Variants in NECAB1 observed in about 807,000 individuals in gnomAD.
The protein encoded by NECAB1 is N-terminal EF-hand calcium binding protein 1.
Under a neutral mutation model 57.5 loss-of-function variants are expected in NECAB1, and 29 were observed. The observed-to-expected ratio is 0.50, with a 90% CI of 0.38 to 0.69. The LOEUF (loss-of-function observed/expected upper bound fraction) is 0.69, where lower values mean the gene tolerates loss of function less well. Ranked by LOEUF, NECAB1 falls within the 30% of genes least tolerant of loss-of-function variation. The pLI, the probability that NECAB1 is intolerant of heterozygous loss-of-function variation, is 0.00. For missense variants in NECAB1, 372 were observed against 413.8 expected (o/e 0.90, Z 0.88); for synonymous variants, 142 against 147.7 (o/e 0.96, Z 0.28).
At chr8:90,858,910 C>T (rs1326113453) in intron 3 of NECAB1, 13 of 152,106 alleles carry the variant, frequency 8.5e-5, no homozygotes, top group Admixed American at 7.2e-4. Context: ...TAACAAGCCA[C>T]GAGAGTTCAA....
intron 3 of NECAB1, among the ~76,000 whole-genome samples, chr8:90,864,291 G>A (rs1808465105): frequency 7.0e-6 from 1 of 143,660 alleles, no homozygotes; most frequent in East Asian, 2.1e-4. Flanking sequence ...AAAAAAACGA[G>A]GAAGGAAGGG....
chr8:90,924,794 T>A lies in NECAB1; in HGVS notation c.495-741T>A, dbSNP rs965428614. ...CCTTCCTGGAAATTCCTTACAACAT[T>A]TCCATTTGTATATCATTGGCCTGAG... On this transcript the variant is annotated intron_variant, in intron 6 of 12. Transcript: ENST00000417640. 2.0e-5 allele frequency among the ~76,000 whole-genome samples: 3 copies of A among 152,260 alleles called. No individual in the cohort carries two copies. In the East Asian group the frequency reaches 5.8e-4, roughly 29 times the overall value.
chr8:90,957,697 G>T lies in NECAB1; in HGVS notation c.*2185G>T, dbSNP rs113115541. The stretch of plus-strand genomic sequence containing the variant: ...CCAAAAAAAAAAAGAAAAAGAAAAA[G>T]AAAAAAGAAAAAAAAAGAAAAAACT... On this transcript the variant is annotated 3_prime_UTR_variant, in exon 13 of 13. Coordinates refer to ENST00000417640, the MANE Select transcript of NECAB1 (RefSeq NM_022351.5). 3 of 136,930 alleles carry T rather than the reference G, an allele frequency of 2.2e-5. No homozygotes were observed. Among genetic ancestry groups the T allele is most frequent in the African/African-American group, 8.1e-5 (3 of 36,986 alleles). The allele number at this position is 136,930 out of a possible 1,614,324, so 8.5% of individuals were successfully genotyped here.
intron 3 of NECAB1, among the ~76,000 whole-genome samples, chr8:90,865,190 G>T (rs964120217): frequency 6.6e-6 from 1 of 152,046 alleles, no homozygotes; most frequent in South Asian, 2.1e-4. Flanking sequence ...AAGGGAAGAA[G>T]TGCTCATCCC....
chr8:90,861,794 C>T (rs1808391182), intron 3 of NECAB1, among the ~76,000 whole-genome samples: 1 of 152,182 alleles, frequency 6.6e-6, no homozygotes, highest in Non-Finnish European at 1.5e-5. Flanking sequence ...TGCCTAAGAT[C>T]ACACATCTGG....
chr8:90,818,677 T>C (rs983910521), intron 2 of NECAB1, among the ~76,000 whole-genome samples: 1 of 152,058 alleles, frequency 6.6e-6, no homozygotes, highest in African/African-American at 2.4e-5. Context: ...GTCTTTGGTA[T>C]GTTGCAGTTT....
intron 8 of NECAB1, among the ~76,000 whole-genome samples, chr8:90,931,882 C>T (rs770410578): frequency 5.3e-5 from 8 of 151,198 alleles, no homozygotes; most frequent in Non-Finnish European, 8.8e-5. Context: ...CCAGCCTGAG[C>T]GAAAGAGTAA....
In NECAB1 at chr8:90,956,386, A is replaced by C. The variant is rs1811032937; in HGVS notation, c.*874A>C. The C allele has an allele frequency of 6.6e-6, 1 of 151,978 alleles. No individual in the cohort carries two copies. The highest frequency in any genetic ancestry group is 1.5e-5 in the Non-Finnish European group (1 of 67,946). 9.4% of individuals were successfully genotyped at this position (151,978 alleles called of 1,614,324 possible). A position where few individuals can be genotyped will look rare whatever the true frequency, so the allele number is the denominator to read the frequency against. On this transcript the variant is annotated 3_prime_UTR_variant, in exon 13 of 13. Coordinates refer to ENST00000417640, the MANE Select transcript of NECAB1 (RefSeq NM_022351.5). ...AATAAAATTTTAACCCAAATGAATA[A>C]CTAAGAAATATAAAACAAGCACAAA...
intron 2 of NECAB1, among the ~76,000 whole-genome samples, chr8:90,809,977 G>A (rs764056218): frequency 1.8e-4 from 28 of 152,126 alleles, no homozygotes; most frequent in Non-Finnish European, 3.7e-4. Context: ...TATTTAATCT[G>A]TATAACAATA....
chr8:90,837,305 T>C (rs1474595312), intron 3 of NECAB1, among the ~76,000 whole-genome samples: 1 of 152,156 alleles, frequency 6.6e-6, no homozygotes, highest in Non-Finnish European at 1.5e-5. Context: ...AAACTCCAGA[T>C]AGAACAGAAC....
chr8:90,840,367 T>G (rs1048198954), intron 3 of NECAB1, among the ~76,000 whole-genome samples: 1 of 152,214 alleles, frequency 6.6e-6, no homozygotes, highest in African/African-American at 2.4e-5. Flanking sequence ...ATTTTGCACA[T>G]AAGGAACCTG....
intron 8 of NECAB1, among the ~76,000 whole-genome samples, chr8:90,929,152 G>A (rs1003826164): frequency 4.6e-5 from 7 of 152,132 alleles, no homozygotes; most frequent in South Asian, 2.1e-4. Flanking sequence ...GGGATTCATA[G>A]TTCATGGTCA....
intron 2 of NECAB1, among the ~76,000 whole-genome samples, chr8:90,810,861 G>A (rs972432103): frequency 1.3e-5 from 2 of 152,058 alleles, no homozygotes; most frequent in Admixed American, 1.3e-4. Context: ...CATGGTGTTC[G>A]GGGACAACAT....
intron 9 of NECAB1, among the ~76,000 whole-genome samples, chr8:90,938,708 A>G (rs1263498252): frequency 2.0e-5 from 3 of 152,224 alleles, no homozygotes; most frequent in African/African-American, 7.2e-5. Flanking sequence ...TTTGGGTTGC[A>G]AAGTTGGAAA....
intron 3 of NECAB1, among the ~76,000 whole-genome samples, chr8:90,852,236 T>C (rs1271964379): frequency 2.0e-5 from 3 of 152,174 alleles, no homozygotes; most frequent in Non-Finnish European, 4.4e-5. Flanking sequence ...AGTACTGTTC[T>C]AAACATTCTA....
intron 3 of NECAB1, among the ~76,000 whole-genome samples, chr8:90,867,640 A>G (rs2129831660): frequency 6.6e-6 from 1 of 152,360 alleles, no homozygotes; most frequent in East Asian, 1.9e-4. Context: ...ATATAGGTAA[A>G]TAGATTTATT....
chr8:90,943,477 G>A (rs1810724757), intron 10 of NECAB1, among the ~76,000 whole-genome samples: 1 of 152,162 alleles, frequency 6.6e-6, no homozygotes, highest in Non-Finnish European at 1.5e-5. Context: ...TTATGCCAGT[G>A]TGTCTGTCTA....
At chr8:90,904,931 C>T (rs1486468) in intron 5 of NECAB1, among the ~76,000 whole-genome samples, 79,944 of 151,822 alleles carry the variant, frequency 0.53, 24,496 homozygotes, top group African/African-American at 0.83. Flanking sequence ...AAAAATCAAT[C>T]CCAGTTTAAG....
chr8:90,945,113 G>A (rs1189970426), intron 10 of NECAB1, among the ~76,000 whole-genome samples: 1 of 152,092 alleles, frequency 6.6e-6, no homozygotes, highest in Non-Finnish European at 1.5e-5. Flanking sequence ...GCCCAGGCTG[G>A]AGTGCCCAGG....
Sources: allele counts gnomAD v4.1 joint callset (sites outside exome capture counted in the v4.1 genomes callset), GRCh38; gene constraint gnomAD v4.1.1; transcripts MANE v1.5; gene names NCBI Gene and HGNC (gene_info 2026-07-23, HGNC 2026-07-21).